MAGI3: variants seen among roughly 807,000 people sequenced by gnomAD.
MAGI3 encodes membrane-associated guanylate kinase, WW and PDZ domain-containing protein 3.
MAGI3 carries 43 observed loss-of-function variants against 121.8 expected under a neutral mutation model. The ratio of observed to expected loss-of-function variants is 0.35; its 90% CI spans 0.28 to 0.46. The LOEUF (loss-of-function observed/expected upper bound fraction) is 0.46. Among genes scored for constraint, MAGI3 ranks in the 20% least tolerant of loss-of-function variants. The probability of loss-of-function intolerance (pLI) is 1.00; values close to 1 mark genes in which losing one functional copy is unlikely to be tolerated. For synonymous variants in MAGI3, 553 were observed against 639.3 expected (o/e 0.86, Z 2.04); for missense variants, 1,547 against 1,797.3 (o/e 0.86, Z 2.52).
At chr1:113,405,474 C>CAAAAAAAAAAAAAAAAAAAAAAAAAAAAA (rs5777158) in intron 1 of MAGI3, among the ~76,000 whole-genome samples, 1 of 54,328 alleles carries the variant, frequency 1.8e-5, no homozygotes, top group African/African-American at 7.5e-5. Context: ...GAAACTGTCT[C>CAAAAAAAAAAAAAAAAAAAAAAAAAAAAA]AAAAAAAAAA....
intron 2 of MAGI3, among the ~76,000 whole-genome samples, chr1:113,559,567 C>CTTTTTTTTT (rs200737453): frequency 2.0e-5 from 3 of 150,598 alleles, no homozygotes; most frequent in South Asian, 2.1e-4. Context: ...CATAAAGTTC[C>CTTTTTTTTT]TTTTTTTTGT....
intron 1 of MAGI3, among the ~76,000 whole-genome samples, chr1:113,518,447 A>G (rs1407589820): frequency 1.3e-5 from 2 of 152,002 alleles, no homozygotes; most frequent in African/African-American, 2.4e-5. Context: ...AGTTAAAATC[A>G]TATCAGAAAG....
At chr1:113,608,000 G>A (rs1037225594) in intron 6 of MAGI3, among the ~76,000 whole-genome samples, 26 of 152,030 alleles carry the variant, frequency 1.7e-4, no homozygotes, top group Admixed American at 8.5e-4. Flanking sequence ...ATCCTTCGAA[G>A]CTCCAATCTA....
Position 113,468,893 on chromosome 1 carries a change from C to G in MAGI3, c.316+77544C>G, listed in dbSNP as rs189720789. Among the ~76,000 whole-genome samples the G allele has an allele frequency of 5.9e-5, 9 of 151,800 alleles. No homozygotes were observed. In the East Asian group the frequency reaches 1.4e-3, roughly 23 times the overall value. On this transcript the variant is annotated intron_variant, in intron 1 of 20. Coordinates refer to ENST00000307546, the MANE Select transcript of MAGI3 (RefSeq NM_001142782.2). ...CAGTGAGCTCCTTATGGGGAAGGAC[C>G]CTTTTCATTTTAATCTTGACTATTA... is the stretch of plus-strand genomic sequence containing the variant.
intron 2 of MAGI3, among the ~76,000 whole-genome samples, chr1:113,549,967 T>G (rs1256181385): frequency 2.0e-5 from 3 of 149,510 alleles, no homozygotes; most frequent in Non-Finnish European, 4.4e-5. Context: ...AATAAAAAAA[T>G]TAGCCGAGTG....
intron 1 of MAGI3, among the ~76,000 whole-genome samples, chr1:113,522,746 C>T (rs549651962): frequency 8.5e-5 from 13 of 152,234 alleles, no homozygotes; most frequent in Non-Finnish European, 1.9e-4. Flanking sequence ...TAATTTTTTA[C>T]TTTATGCCAA....
intron 2 of MAGI3, among the ~76,000 whole-genome samples, chr1:113,564,824 G>GTTAT (rs961791147): frequency 1.1e-4 from 17 of 151,944 alleles, no homozygotes; most frequent in African/African-American, 2.7e-4. Flanking sequence ...TAAAATTGTA[G>GTTAT]TTATTTATTT....
chr1:113,432,229 C>T (rs1653335569), intron 1 of MAGI3, among the ~76,000 whole-genome samples: 1 of 152,236 alleles, frequency 6.6e-6, no homozygotes, highest in South Asian at 2.1e-4. Flanking sequence ...ATAGCCAACA[C>T]TTATGTTGTA....
intron 2 of MAGI3, among the ~76,000 whole-genome samples, chr1:113,572,743 C>T (rs1027020637): frequency 2.0e-5 from 3 of 151,958 alleles, no homozygotes; most frequent in African/African-American, 7.3e-5. Context: ...GGTGATATCC[C>T]CTTTATCATT....
At chr1:113,496,788 C>T (rs1160724131) in intron 1 of MAGI3, among the ~76,000 whole-genome samples, 1 of 152,094 alleles carries the variant, frequency 6.6e-6, no homozygotes, top group African/African-American at 2.4e-5. Flanking sequence ...TAAACCTGAC[C>T]CTTAATGAGC....
chr1:113,517,636 G>A (rs1432806540), intron 1 of MAGI3, among the ~76,000 whole-genome samples: 1 of 151,664 alleles, frequency 6.6e-6, no homozygotes, highest in Non-Finnish European at 1.5e-5. Flanking sequence ...TAGCTGTCTT[G>A]GATTACCTCA....
At chr1:113,575,882 C>G (rs548936308) in intron 2 of MAGI3, among the ~76,000 whole-genome samples, 108 of 152,328 alleles carry the variant, frequency 7.1e-4, no homozygotes, top group South Asian at 2.5e-3. Flanking sequence ...TTCAGAGATG[C>G]CCTGCCCAGT....
intron 16 of MAGI3, among the ~76,000 whole-genome samples, chr1:113,671,260 C>A (rs1647535401): frequency 6.6e-6 from 1 of 152,146 alleles, no homozygotes; most frequent in Non-Finnish European, 1.5e-5. Flanking sequence ...GGCAAAATAA[C>A]TGCTCCTATA....
chr1:113,541,840 T>G (rs1270185079), intron 1 of MAGI3, among the ~76,000 whole-genome samples: 1 of 152,214 alleles, frequency 6.6e-6, no homozygotes, highest in Non-Finnish European at 1.5e-5. Flanking sequence ...AACTCTTATC[T>G]CAGATTGTGT....
intron 1 of MAGI3, among the ~76,000 whole-genome samples, chr1:113,406,303 C>A (rs1651677500): frequency 6.7e-6 from 1 of 149,096 alleles, no homozygotes; most frequent in East Asian, 2.0e-4. Flanking sequence ...AAAAAATTAG[C>A]CGGGTGTGGT....
chr1:113,514,716 G>A (rs571175437), intron 1 of MAGI3, among the ~76,000 whole-genome samples: 1 of 152,184 alleles, frequency 6.6e-6, no homozygotes, highest in African/African-American at 2.4e-5. Flanking sequence ...CATGGCACAT[G>A]TATACATATA....
intron 16 of MAGI3, among the ~76,000 whole-genome samples, chr1:113,663,300 A>G (rs932026794): frequency 4.4e-4 from 66 of 151,388 alleles, no homozygotes; most frequent in African/African-American, 1.5e-3. Context: ...TTTTGCAATC[A>G]TTACCACTAG....
At chr1:113,464,232 A>G (rs1194776570) in intron 1 of MAGI3, among the ~76,000 whole-genome samples, 3 of 152,044 alleles carry the variant, frequency 2.0e-5, no homozygotes, top group Non-Finnish European at 4.4e-5. Context: ...GCTCCCACAT[A>G]TGAGTGAGAA....
chr1:113,446,114 T>C (rs1410139047), intron 1 of MAGI3, among the ~76,000 whole-genome samples: 1 of 152,222 alleles, frequency 6.6e-6, no homozygotes, highest in Non-Finnish European at 1.5e-5. Flanking sequence ...TTATTGTCAC[T>C]TTGGTTTGTA....
Sources: gnomAD v4.1 joint callset for allele counts (sites outside exome capture counted in the v4.1 genomes callset) on GRCh38, gnomAD v4.1.1 for gene constraint, MANE v1.5 for transcripts, NCBI Gene and HGNC (gene_info 2026-07-23, HGNC 2026-07-21) for gene names.